MAPK15: variants seen among roughly 807,000 people sequenced by gnomAD.
MAPK15 encodes mitogen-activated protein kinase 15.
In MAPK15, 61 loss-of-function variants were observed where a neutral mutation model predicts 60.8. That is an observed-to-expected ratio of 1.00 (90% CI 0.82 to 1.24). MAPK15 has a LOEUF of 1.24. Ranked by LOEUF, MAPK15 falls within the 50% of genes most tolerant of loss-of-function variation. The pLI, the probability that MAPK15 is intolerant of heterozygous loss-of-function variation, is 0.00. For synonymous variants in MAPK15, 356 were observed against 319.9 expected, an observed-to-expected ratio of 1.11 and a Z score of -1.21; for missense variants, 808 against 741.1, an observed-to-expected ratio of 1.09 and a Z score of -1.05.
Position 143,718,873 on chromosome 8 carries a change from C to T in MAPK15, c.385C>T (p.His129Tyr), listed in dbSNP as rs1817920145. 6.2e-7 allele frequency: 1 copy of T among 1,610,990 alleles called. No individual in the cohort carries two copies. The highest frequency in any genetic ancestry group is 2.2e-5 in the East Asian group (1 of 44,846). ...GCTCCTGCGGGCCACCCGGTTCCTC[C>T]ACTCGGGGCACGTTGTGCACCGGGA... ...YQLLRATRFLHSGHVVHRDQK... is the reference protein window; with the variant it reads ...YQLLRATRFLYSGHVVHRDQK... The change falls in exon 5 of 14, where the codon CAC (histidine) becomes TAC (tyrosine). Residue 129 changes from histidine to tyrosine, a missense_variant. Physicochemically the swap from His to Tyr is moderately conservative, Grantham distance 83. Transcript: ENST00000338033.
chr8:143,718,937 G>C, intron 5 of MAPK15, 32 bp downstream of exon 5: 1 of 1,597,978 alleles, frequency 6.3e-7, no homozygotes, highest in Non-Finnish European at 8.5e-7. Context: ...TATGCCACGT[G>C]GCCCGGCTCC....
Position 143,722,136 on chromosome 8 carries a change from T to C in MAPK15, c.1520T>C (p.Leu507Ser), listed in dbSNP as rs377092619. ...CGGAGGATGTTCAGCACCTCTGCCT[T>C]GCAGGGTGCCCAGGGGGGTGCCAGG... ...PGRRMFSTSALQGAQGGARAL... is the reference protein window; with the variant it reads ...PGRRMFSTSASQGAQGGARAL... Residue 507 changes from leucine (L) to serine (S), a missense_variant, in exon 14 of 14, where the codon TTG becomes TCG. Physicochemically the swap from Leu to Ser is moderately radical, Grantham distance 145. Transcript: ENST00000338033. 16 of 1,612,150 alleles carry C rather than the reference T, an allele frequency of 9.9e-6. No homozygotes were observed. The highest frequency in any genetic ancestry group is 1.4e-5 in the Non-Finnish European group (16 of 1,179,706).
rs1223042780 is a variant in MAPK15, at chr8:143,719,591, G to A, written c.721+109G>A. The A allele has an allele frequency of 6.4e-6, 9 of 1,396,962 alleles. No individual in the cohort carries two copies. In the East Asian group the frequency reaches 2.0e-4, roughly 31 times the overall value. 86.5% of individuals were successfully genotyped at this position (1,396,962 alleles called of 1,614,324 possible). On this transcript the variant is annotated intron_variant, in intron 7 of 13. Coordinates refer to ENST00000338033, the MANE Select transcript of MAPK15 (RefSeq NM_139021.3). ...GGACTGTGCTGAGAGGAGGGACGGG[G>A]ACAGGGAGGATCCAGAGGATGGGGC...
rs1003263169 is a variant in MAPK15, at chr8:143,722,198, G to A, written c.1582G>A (p.Val528Ile). Residue 528 changes from valine (V) to isoleucine (I), a missense_variant, in exon 14 of 14, where the codon GTC (valine) becomes ATC (isoleucine). Transcript: ENST00000338033. ...AGGCTACTCCCAAGCCTACGGGACT[G>A]TCTGCCACTCGGCACTGGGCCACCT... Reference protein sequence around the residue: ...LGGYSQAYGTVCHSALGHLPL... With the variant: ...LGGYSQAYGTICHSALGHLPL... The A allele has an allele frequency of 4.4e-6, 7 of 1,608,220 alleles. No individual in the cohort carries two copies. The African/African-American group carries it at 9.4e-5, about 21-fold the overall frequency.
chr8:143,720,669 TCGGGCCCTGGAGACGACACA>T lies in MAPK15; in HGVS notation c.780-30_780-11del. 6.3e-7 allele frequency: 1 copy of T among 1,591,272 alleles called. No individual in the cohort carries two copies. Among genetic ancestry groups the T allele is most frequent in the Non-Finnish European group, 8.6e-7 (1 of 1,169,248 alleles). ...ATGGATCTGAGGAGGGGCCCTTGGGTCGGGCCCTGGAGACGACACACGGCAGCCCACAGGCCACGACAGAC... is the reference window on the plus strand; with the variant it reads ...ATGGATCTGAGGAGGGGCCCTTGGGTCGGCAGCCCACAGGCCACGACAGAC... On this transcript the variant is annotated splice_polypyrimidine_tract_variant and intron_variant, in intron 8 of 13. Transcript: ENST00000338033. The surrounding 1 kb of genome is among the most constrained non-coding windows in gnomAD (Gnocchi z 4.6).
In MAPK15 at chr8:143,721,766, G is replaced by A. The variant is rs201477463; in HGVS notation, c.1344G>A (p.Gly448=). ...PLTLSLVKPS[G]RGAAPSLTSQ... ...GCCCTTCCCAGGTGAAGCCAAGCGGGAGGGGAGCTGCGCCCTCCCTGACCT... is the reference window on the plus strand; with the variant it reads ...GCCCTTCCCAGGTGAAGCCAAGCGGAAGGGGAGCTGCGCCCTCCCTGACCT... Residue 448 remains glycine, a synonymous_variant, in exon 13 of 14, where the codon GGG becomes GGA. Transcript: ENST00000338033. 1 of 1,613,492 alleles carries A rather than the reference G, an allele frequency of 6.2e-7. No individual in the cohort carries two copies. The highest frequency in any genetic ancestry group is 8.5e-7 in the Non-Finnish European group (1 of 1,179,876).
In MAPK15 at chr8:143,716,460, G is replaced by A. The variant is rs1347781309; in HGVS notation, c.66+17G>A. The A allele has an allele frequency of 6.9e-6, 11 of 1,590,712 alleles. No individual in the cohort carries two copies. The highest frequency in any genetic ancestry group is 5.4e-5 in the Admixed American group (3 of 55,242). The stretch of plus-strand genomic sequence containing the variant: ...GGGCAGGGGGTGAGTGCCTGGGGGT[G>A]CGTCCGCGCGCCGAGGGGCGCGGCA... On this transcript the variant is annotated intron_variant, in intron 1 of 13. Coordinates refer to ENST00000338033, the MANE Select transcript of MAPK15 (RefSeq NM_139021.3).
At position 143,719,009 on chromosome 8, in the gene MAPK15, T is replaced by G; in HGVS notation, c.434T>G (p.Leu145Arg). The change falls in exon 6 of 14, where the codon CTG becomes CGG. Residue 145 changes from leucine to arginine, a missense_variant. Leu to Arg is a moderately radical substitution (Grantham distance 102). Coordinates refer to ENST00000338033, the MANE Select transcript of MAPK15 (RefSeq NM_139021.3). Reference protein sequence around the residue: ...HRDQKPSNVLLDANCTVKLCD... With the variant: ...HRDQKPSNVLRDANCTVKLCD... ...TCTCTGCAGCCGTCCAATGTGCTCC[T>G]GGATGCCAACTGCACAGTGAAGCTG... The G allele has an allele frequency of 6.2e-7, 1 of 1,607,756 alleles. No homozygotes were observed. Among genetic ancestry groups the G allele is most frequent in the Non-Finnish European group, 8.5e-7 (1 of 1,177,628 alleles).
intron 1 of MAPK15, 60 bp from the exon 2 acceptor site, chr8:143,717,633 AT>A: frequency 7.1e-7 from 1 of 1,405,650 alleles, no homozygotes. Flanking sequence ...TGTAGGGACA[AT>A]CTGGGTGGGC....
chr8:143,718,719 C>T, intron 4 of MAPK15, 56 bp from the exon 5 acceptor site: 1 of 816,140 alleles, frequency 1.2e-6, no homozygotes, highest in Non-Finnish European at 1.9e-6. Flanking sequence ...TCCCACTCCC[C>T]CCAGGTTGCC....
intron 10 of MAPK15, 30 bp downstream of exon 10, chr8:143,721,135 C>T: frequency 6.2e-7 from 1 of 1,602,700 alleles, no homozygotes; most frequent in Non-Finnish European, 8.5e-7. Flanking sequence ...CTATCATCCC[C>T]TGTCTACTGC....
chr8:143,720,048 T>G lies in MAPK15; in HGVS notation c.722-182T>G. 1.2e-6 allele frequency: 1 copy of G among 807,548 alleles called. No individual in the cohort carries two copies. The highest frequency in any genetic ancestry group is 1.9e-6 in the Non-Finnish European group (1 of 518,804). 50.0% of individuals were successfully genotyped at this position (807,548 alleles called of 1,614,324 possible). On this transcript the variant is annotated intron_variant, in intron 7 of 13. Transcript: ENST00000338033. This position sits in a 1 kb window ranked among gnomAD's most constrained non-coding sequence, Gnocchi z 4.6. ...GTGTGGAGCAGGGGTCATGTGCGGGTGCTCCCGTGCACAGGCTGGGTGGCA... is the reference window on the plus strand; with the variant it reads ...GTGTGGAGCAGGGGTCATGTGCGGGGGCTCCCGTGCACAGGCTGGGTGGCA...
In MAPK15 at chr8:143,722,366, C is replaced by G; in HGVS notation, c.*115C>G. On this transcript the variant is annotated 3_prime_UTR_variant, in exon 14 of 14. Transcript: ENST00000338033. ...CTGCTTTGCCTGGCCCGTTGAAGTT[C>G]CAGGGAGCTTGCCCGGGTCTCCTCG... 1.0e-6 allele frequency: 1 copy of G among 985,696 alleles called. No homozygotes were observed. Among genetic ancestry groups the G allele is most frequent in the Non-Finnish European group, 1.4e-6 (1 of 699,458 alleles). The allele number at this position is 985,696 out of a possible 1,614,324, so 61.1% of individuals were successfully genotyped here. A position where few individuals can be genotyped will look rare whatever the true frequency, so the allele number is the denominator to read the frequency against.
At position 143,716,449 on chromosome 8, in the gene MAPK15, TGCCTGGGGGTGCGTCCGCGC is replaced by T. The variant is rs1554618361; in HGVS notation, c.66+10_66+29del. 1.3e-6 allele frequency: 2 copies of T among 1,595,320 alleles called. No individual in the cohort carries two copies. Among genetic ancestry groups the T allele is most frequent in the Non-Finnish European group, 1.7e-6 (2 of 1,172,826 alleles). ...GGCGGCAGCTCGGGCAGGGGGTGAG[TGCCTGGGGGTGCGTCCGCGC>T]GCCGAGGGGCGCGGCAGATCTGCGG... On this transcript the variant is annotated splice_region_variant and intron_variant, in intron 1 of 13. Transcript: ENST00000338033.
At chr8:143,716,862 G>T (rs1322718962) in intron 1 of MAPK15, among the ~76,000 whole-genome samples, 1 of 152,206 alleles carries the variant, frequency 6.6e-6, no homozygotes, top group Non-Finnish European at 1.5e-5. Flanking sequence ...CGGTTATGGG[G>T]TGGGCGCAGA....
In MAPK15 at chr8:143,721,587, TC is replaced by T; in HGVS notation, c.1245del (p.Ala416LeufsTer9). 6.2e-7 allele frequency: 1 copy of T among 1,613,466 alleles called. No individual in the cohort carries two copies. Among genetic ancestry groups the T allele is most frequent in the East Asian group, 2.2e-5 (1 of 44,866 alleles). On this transcript the variant is annotated frameshift_variant, in exon 12 of 14. Transcript: ENST00000338033. LOFTEE classifies it high-confidence loss of function. ...RAAKNVPRQNSAPLLQTALLG... is the reference protein window; with the variant it reads ...RAAKNVPRQNXAPLLQTALLG... ...AGCCAAGAACGTTCCCAGGCAGAACTCCGCTCCCCTGCTCCAAACTGCTCTC... is the reference window on the plus strand; with the variant it reads ...AGCCAAGAACGTTCCCAGGCAGAACTCGCTCCCCTGCTCCAAACTGCTCTC...
intron 5 of MAPK15, 42 bp from the exon 6 acceptor site, chr8:143,718,951 C>A: frequency 6.3e-7 from 1 of 1,597,002 alleles, no homozygotes; most frequent in African/African-American, 1.3e-5. Context: ...CGGCTCCCGG[C>A]CCCACCCAGC....
rs782269871 is a variant in MAPK15 at position 143,721,870 on chromosome 8, G to A, written c.1448G>A (p.Ser483Asn). ...CGGGGCGGTGGGGTGAGGGTGGCCA[G>A]CGTACAACAGGTAAGCCCGGCCCAG... The part of the protein sequence containing the change: ...WNRGGGVRVA[S>N]VQQVPPRLPP... Residue 483 changes from serine (S) to asparagine (N), a missense_variant, in exon 13 of 14, where the codon AGC (serine) becomes AAC (asparagine). Physicochemically the swap from Ser to Asn is conservative, Grantham distance 46 (BLOSUM62 1). Transcript: ENST00000338033. 6.3e-7 allele frequency: 1 copy of A among 1,589,738 alleles called. No individual in the cohort carries two copies. The highest frequency in any genetic ancestry group is 1.1e-5 in the South Asian group (1 of 87,564).
rs1411697307 is a variant in MAPK15, at chr8:143,719,476, G to A, written c.715G>A (p.Glu239Lys). The A allele has an allele frequency of 1.2e-6, 2 of 1,607,202 alleles. No individual in the cohort carries two copies. The highest frequency in any genetic ancestry group is 1.7e-6 in the Non-Finnish European group (2 of 1,178,116). ...CCTGGAGACCATCCCACCGCCATCTGAGGAGGGTGAGCCAGGCTGCTGGGG... is the reference window on the plus strand; with the variant it reads ...CCTGGAGACCATCCCACCGCCATCTAAGGAGGGTGAGCCAGGCTGCTGGGG... ...LILETIPPPS[E>K]EDLLALGSGC... Residue 239 changes from glutamate to lysine, a missense_variant, in exon 7 of 14, where the codon GAG (glutamate) becomes AAG (lysine). Glu to Lys is a moderately conservative substitution (Grantham distance 56, BLOSUM62 1). Transcript: ENST00000338033.
Sources: allele counts gnomAD v4.1 joint callset (sites outside exome capture counted in the v4.1 genomes callset), GRCh38; gene constraint gnomAD v4.1.1; non-coding constraint Gnocchi (gnomAD v3.1); transcripts MANE v1.5; gene names NCBI Gene and HGNC (gene_info 2026-07-23, HGNC 2026-07-21).